Variants in SNX25 observed in about 807,000 individuals in gnomAD.
The protein encoded by SNX25 is sorting nexin 25, also known as sorting nexin-25.
SNX25 carries 62 observed loss-of-function variants against 113.7 expected under a neutral mutation model. That is an observed-to-expected ratio of 0.55 (90% confidence interval 0.44 to 0.67). The LOEUF (loss-of-function observed/expected upper bound fraction) is 0.67. Among genes scored for constraint, SNX25 ranks in the 30% least tolerant of loss-of-function variants. The pLI, the probability that SNX25 is intolerant of heterozygous loss-of-function variation, is 0.00. For missense variants in SNX25, 1,014 were observed against 1,161.0 expected (o/e 0.87, Z 1.84); for synonymous variants, 421 against 436.2 (o/e 0.97, Z 0.43).
chr4:185,219,453 G>T (rs1739445898), intron 1 of SNX25, among the ~76,000 whole-genome samples: 1 of 152,086 alleles, frequency 6.6e-6, no homozygotes, highest in African/African-American at 2.4e-5. Context: ...CAGCTACTCA[G>T]GAGGCTGAGG....
At chr4:185,239,245 G>A (rs1235623400) in intron 1 of SNX25, among the ~76,000 whole-genome samples, 1 of 117,600 alleles carries the variant, frequency 8.5e-6, no homozygotes, top group Non-Finnish European at 1.8e-5. Flanking sequence ...ACTTTGGGAG[G>A]CCAAGGCGGG....
chr4:185,239,252 C>T (rs140551851), intron 1 of SNX25, among the ~76,000 whole-genome samples: 4,146 of 98,598 alleles, frequency 0.042, 142 homozygotes, highest in African/African-American at 0.11. Context: ...GAGGCCAAGG[C>T]GGGCAGATCA....
chr4:185,301,378 G>A (rs1753651873), intron 6 of SNX25, among the ~76,000 whole-genome samples: 1 of 152,060 alleles, frequency 6.6e-6, no homozygotes, highest in Non-Finnish European at 1.5e-5. Flanking sequence ...TCGTTAGTCA[G>A]ACTTTTTTTT....
chr4:185,269,848 T>C (rs74511086), intron 5 of SNX25, among the ~76,000 whole-genome samples: 2,397 of 152,274 alleles, frequency 0.016, 70 homozygotes, highest in African/African-American at 0.055. Context: ...TAGCTGGGAC[T>C]ACAGGCGAGC....
upstream of SNX25, among the ~76,000 whole-genome samples, chr4:185,205,009 A>C (rs1737123080): frequency 6.6e-6 from 1 of 152,274 alleles, no homozygotes; most frequent in Non-Finnish European, 1.5e-5. Flanking sequence ...TATTGTTCAC[A>C]TCTAAGTGCA....
chr4:185,352,175 T>C lies in SNX25; in HGVS notation c.2466+566T>C, dbSNP rs540526304. On this transcript the variant is annotated intron_variant, in intron 14 of 18. Coordinates refer to ENST00000652585, the MANE Select transcript of SNX25 (RefSeq NM_001378034.2). ...AGTATAGAGCCTGCAGAGCTTTCGA[T>C]CTCATCTTCTGAACCCCAGACTTCT... is the stretch of plus-strand genomic sequence containing the variant. Among the ~76,000 whole-genome samples, 15 of 152,238 alleles carry C rather than the reference T, an allele frequency of 9.9e-5. No individual in the cohort carries two copies. The East Asian group carries it at 2.9e-3, about 29-fold the overall frequency.
chr4:185,241,584 G>GAGGAGGGAGAGGGAA (rs1744055618), intron 1 of SNX25, among the ~76,000 whole-genome samples: 1 of 148,758 alleles, frequency 6.7e-6, no homozygotes, highest in Non-Finnish European at 1.5e-5. Context: ...GGGAGAGGGA[G>GAGGAGGGAGAGGGAA]AGGAGGACAG....
Position 185,209,787 on chromosome 4 carries a change from G to C in SNX25, c.-40G>C. 1.0e-6 allele frequency: 1 copy of C among 984,032 alleles called. No individual in the cohort carries two copies. 61.0% of individuals were successfully genotyped at this position (984,032 alleles called of 1,614,324 possible). Reference sequence around the variant, plus strand: ...CCGGAGCGCCGGCGGGGGACCGGGGGGCAGGAGATGTGCCTGTCCTTAGCG... The same window carrying C: ...CCGGAGCGCCGGCGGGGGACCGGGGCGCAGGAGATGTGCCTGTCCTTAGCG... On this transcript the variant is annotated 5_prime_UTR_variant, in exon 1 of 19. Transcript: ENST00000652585. This position sits in a 1 kb window ranked among gnomAD's most constrained non-coding sequence, Gnocchi z 5.2.
chr4:185,283,599 ATTAACCTATATTGTATT>A (rs142363892), intron 5 of SNX25, among the ~76,000 whole-genome samples: 147 of 152,362 alleles, frequency 9.6e-4, no homozygotes, highest in Non-Finnish European at 1.7e-3. Context: ...GAAGATAAGT[ATTAACCTATATTGTATT>A]TTAGAGTAGC....
chr4:185,371,268 G>A (rs192147718), downstream of SNX25, among the ~76,000 whole-genome samples: 329 of 152,174 alleles, frequency 2.2e-3, no homozygotes, highest in African/African-American at 5.6e-3. Context: ...GGCTGGGCGC[G>A]GTGGCTCACG....
chr4:185,333,052 G>T (rs2095206579), intron 10 of SNX25, among the ~76,000 whole-genome samples: 2 of 152,064 alleles, frequency 1.3e-5, no homozygotes, highest in Admixed American at 1.3e-4. Flanking sequence ...GGTCATTTCT[G>T]GAATTTAATT....
At chr4:185,354,694 G>A (rs79240256) in intron 15 of SNX25, among the ~76,000 whole-genome samples, 7 of 152,346 alleles carry the variant, frequency 4.6e-5, no homozygotes, top group Non-Finnish European at 1.0e-4. Context: ...CTTGGTGAAA[G>A]GTAAACTGGA....
At chr4:185,325,039 G>A (rs1346370405) in intron 9 of SNX25, among the ~76,000 whole-genome samples, 4 of 152,186 alleles carry the variant, frequency 2.6e-5, no homozygotes, top group Non-Finnish European at 5.9e-5. Flanking sequence ...GATCACCAAT[G>A]CTATGATTTT....
At chr4:185,286,174 G>T (rs767456078) in intron 5 of SNX25, among the ~76,000 whole-genome samples, 2 of 151,896 alleles carry the variant, frequency 1.3e-5, no homozygotes, top group Non-Finnish European at 2.9e-5. Flanking sequence ...GGAGGGCAGT[G>T]GCGCAATCAT....
the SNX25 span, chr4:185,375,877 C>T: frequency 2.1e-6 from 1 of 485,840 alleles, no homozygotes; most frequent in Non-Finnish European, 3.7e-6. Context: ...GCTGAGGAAG[C>T]ATGCTCTCAG....
At chr4:185,369,946 C>G (rs774527154) in exon 12 of SNX25, 27 of 283,974 alleles carry the variant, frequency 9.5e-5, no homozygotes, top group Admixed American at 5.0e-4. Flanking sequence ...ATCTGTGTTC[C>G]ACAAACACTG....
upstream of SNX25, among the ~76,000 whole-genome samples, chr4:185,206,761 A>G (rs1037641319): frequency 6.6e-6 from 1 of 151,680 alleles, no homozygotes; most frequent in East Asian, 1.9e-4. Context: ...GGAATTTATT[A>G]GAGGAATTGG....
chr4:185,282,793 T>G (rs1048903347), intron 5 of SNX25, among the ~76,000 whole-genome samples: 2 of 152,284 alleles, frequency 1.3e-5, no homozygotes, highest in South Asian at 4.1e-4. Context: ...ATCTGTGCAC[T>G]TTTGATCAAG....
chr4:185,250,023 T>G (rs536142220), intron 2 of SNX25, among the ~76,000 whole-genome samples: 106 of 152,364 alleles, frequency 7.0e-4, no homozygotes, highest in African/African-American at 2.5e-3. Context: ...TTTGATTGTA[T>G]ACTGGACAAT....
Sources: allele counts gnomAD v4.1 joint callset (sites outside exome capture counted in the v4.1 genomes callset), GRCh38; gene constraint gnomAD v4.1.1; non-coding constraint Gnocchi (gnomAD v3.1); transcripts MANE v1.5; gene names NCBI Gene and HGNC (gene_info 2026-07-23, HGNC 2026-07-21).